The following SHTN1 variants were observed in gnomAD, a reference collection of about 807,000 sequenced individuals.
SHTN1 encodes the protein shootin-1.
Under a neutral mutation model 83.1 loss-of-function variants are expected in SHTN1, and 42 were observed. That is an observed-to-expected ratio of 0.51 (90% CI 0.39 to 0.65). The LOEUF (loss-of-function observed/expected upper bound fraction) is 0.65. SHTN1 is among the 30% of genes least tolerant of loss of function. The pLI is 0.00. For synonymous variants in SHTN1, 224 were observed against 247.7 expected, an observed-to-expected ratio of 0.90 and a Z score of 0.90; for missense variants, 622 against 737.8, an observed-to-expected ratio of 0.84 and a Z score of 1.82.
At chr10:116,891,904 G>C (rs919705753) in intron 16 of SHTN1, among the ~76,000 whole-genome samples, 3 of 152,066 alleles carry the variant, frequency 2.0e-5, no homozygotes, top group Non-Finnish European at 4.4e-5. Context: ...CTTCATTTTA[G>C]CTCAAAGAAC....
At position 117,054,658 on chromosome 10, in the gene SHTN1, C is replaced by T. The variant is rs1001374627; in HGVS notation, c.-188-6148G>A. Among the ~76,000 whole-genome samples, 20 of 152,122 alleles carry T rather than the reference C, an allele frequency of 1.3e-4. No homozygotes were observed. The East Asian group carries it at 1.4e-3, about 10-fold the overall frequency. ...TCTTGACCTTGTGATCCGCCCGTCT[C>T]GGCCTCCCAAAGTGCTGGGATTACA... On this transcript the variant is annotated intron_variant, in intron 1 of 17. Coordinates refer to the SHTN1 transcript ENST00000392901.
At chr10:116,939,248 C>T (rs1365246269) in intron 9 of SHTN1, among the ~76,000 whole-genome samples, 3 of 152,150 alleles carry the variant, frequency 2.0e-5, no homozygotes, top group African/African-American at 7.2e-5. Flanking sequence ...TGGTGTCTGC[C>T]CAAATGGCCA....
intron 2 of SHTN1, among the ~76,000 whole-genome samples, chr10:117,042,631 T>C (rs1852601025): frequency 6.6e-6 from 1 of 151,052 alleles, no homozygotes; most frequent in Non-Finnish European, 1.5e-5. Flanking sequence ...AACACTTCCT[T>C]TTTTTTTTGA....
chr10:117,094,598 C>T (rs576888920), intron 1 of SHTN1, among the ~76,000 whole-genome samples: 1 of 152,114 alleles, frequency 6.6e-6, no homozygotes, highest in Non-Finnish European at 1.5e-5. Flanking sequence ...CTAATTATTG[C>T]TTAACACCCT....
At chr10:117,018,423 A>G (rs1440707102) in intron 2 of SHTN1, among the ~76,000 whole-genome samples, 1 of 152,006 alleles carries the variant, frequency 6.6e-6, no homozygotes, top group Non-Finnish European at 1.5e-5. Context: ...AATATTCAAT[A>G]TCAATTCATG....
intron 7 of SHTN1, among the ~76,000 whole-genome samples, chr10:116,947,319 G>A (rs902238614): frequency 6.6e-6 from 1 of 152,128 alleles, no homozygotes; most frequent in Admixed American, 6.6e-5. Context: ...TCCACCCTGA[G>A]CTGAGTCATA....
At chr10:116,889,162 T>C (rs1847256681) in intron 16 of SHTN1, among the ~76,000 whole-genome samples, 1 of 152,218 alleles carries the variant, frequency 6.6e-6, no homozygotes, top group Non-Finnish European at 1.5e-5. Context: ...GAAGGGGTGG[T>C]GCACAGATCC....
At chr10:117,026,812 C>T (rs1852338904) in intron 2 of SHTN1, among the ~76,000 whole-genome samples, 1 of 152,226 alleles carries the variant, frequency 6.6e-6, no homozygotes, top group Non-Finnish European at 1.5e-5. Context: ...GAGAACTCAC[C>T]ATCCTGAAGG....
intron 1 of SHTN1, among the ~76,000 whole-genome samples, chr10:117,120,804 T>C (rs934855875): frequency 1.9e-5 from 2 of 107,238 alleles, no homozygotes; most frequent in Admixed American, 2.5e-4. Context: ...CCAAGTACAC[T>C]GATTTGATTT....
intron 2 of SHTN1, among the ~76,000 whole-genome samples, chr10:117,034,172 A>C (rs1852461169): frequency 6.6e-6 from 1 of 152,184 alleles, no homozygotes. Flanking sequence ...TAGTACTGAA[A>C]GTCCTAGCTA....
chr10:116,940,335 A>T (rs1849322623), intron 9 of SHTN1, 131 bp downstream of exon 9: 3 of 879,514 alleles, frequency 3.4e-6, no homozygotes, highest in Non-Finnish European at 3.4e-6. Context: ...GGTTGAAAGC[A>T]CTTAGTAACT....
chr10:117,103,697 C>T (rs1026481657), intron 1 of SHTN1, among the ~76,000 whole-genome samples: 16 of 151,324 alleles, frequency 1.1e-4, no homozygotes, highest in African/African-American at 2.9e-4. Flanking sequence ...CCACCACGCC[C>T]GGCCAATTTT....
intron 16 of SHTN1, among the ~76,000 whole-genome samples, chr10:116,897,071 T>C (rs778988576): frequency 2.7e-4 from 41 of 152,252 alleles, no homozygotes; most frequent in Middle Eastern, 6.8e-3. Flanking sequence ...CCTCCCAAAG[T>C]GCTGGGATTG....
At chr10:116,939,049 A>G (rs1229893497) in intron 9 of SHTN1, among the ~76,000 whole-genome samples, 2 of 152,192 alleles carry the variant, frequency 1.3e-5, no homozygotes, top group Non-Finnish European at 2.9e-5. Context: ...TTGACCTCAG[A>G]CTGCTGTGCT....
At chr10:117,085,218 C>T (rs1853333307) in intron 1 of SHTN1, among the ~76,000 whole-genome samples, 1 of 151,798 alleles carries the variant, frequency 6.6e-6, no homozygotes, top group South Asian at 2.1e-4. Flanking sequence ...TTCTAGTTTC[C>T]TTAGGTTAAA....
intron 9 of SHTN1, among the ~76,000 whole-genome samples, chr10:116,939,104 C>T (rs190788831): frequency 8.9e-4 from 136 of 152,298 alleles, no homozygotes; most frequent in Non-Finnish European, 1.5e-3. Context: ...TGCTGGGCTC[C>T]GTGGGGGTGG....
chr10:116,942,927 T>C (rs1377024928), intron 8 of SHTN1, among the ~76,000 whole-genome samples: 1 of 152,208 alleles, frequency 6.6e-6, no homozygotes, highest in African/African-American at 2.4e-5. Context: ...CTAAGTTATG[T>C]GTCTTTGTGC....
At chr10:116,924,001 C>T (rs1848651202) in intron 11 of SHTN1, among the ~76,000 whole-genome samples, 1 of 152,118 alleles carries the variant, frequency 6.6e-6, no homozygotes, top group African/African-American at 2.4e-5. Flanking sequence ...AAGAAAAAAA[C>T]ACATCCTGCT....
chr10:117,099,156 A>C (rs948767112), intron 1 of SHTN1, among the ~76,000 whole-genome samples: 2 of 152,126 alleles, frequency 1.3e-5, no homozygotes, highest in African/African-American at 4.8e-5. Flanking sequence ...GTTCTCACTT[A>C]TAAGTGGGAG....
Sources: gnomAD v4.1 joint callset for allele counts (sites outside exome capture counted in the v4.1 genomes callset) on GRCh38, gnomAD v4.1.1 for gene constraint, MANE v1.5 for transcripts, NCBI Gene and HGNC (gene_info 2026-07-23, HGNC 2026-07-21) for gene names.